Variants in MCF2L observed in about 807,000 individuals in gnomAD.
MCF2L encodes the protein guanine nucleotide exchange factor DBS.
A neutral mutation model predicts 153.4 loss-of-function variants in MCF2L; 97 were observed. The observed-to-expected ratio is 0.63, with a 90% CI of 0.54 to 0.75. MCF2L has a LOEUF of 0.75. Among genes scored for constraint, MCF2L ranks in the 30% least tolerant of loss-of-function variants. MCF2L has a pLI of 0.00. For synonymous variants in MCF2L, 659 were observed against 632.2 expected (o/e 1.04, Z -0.64); for missense variants, 1,347 against 1,495.2 (o/e 0.90, Z 1.64).
intron 2 of MCF2L, among the ~76,000 whole-genome samples, chr13:112,914,853 G>T (rs1253173900): frequency 6.6e-6 from 1 of 151,306 alleles, no homozygotes; most frequent in Non-Finnish European, 1.5e-5. Context: ...TTTTCAAATC[G>T]TCATTGTCTT....
In MCF2L at chr13:112,960,268, G is replaced by C. The variant is rs3011477; in HGVS notation, c.170-54495G>C. On this transcript the variant is annotated intron_variant, in intron 2 of 29. Transcript: ENST00000375608. The surrounding 1 kb of genome is among the most constrained non-coding windows in gnomAD (Gnocchi z 4.2). ...TCCAAGAGACGGCCTCACCCGGTGAGAGAGCGGAGAGACCGAGAGGGGGCC... is the reference window on the plus strand; with the variant it reads ...TCCAAGAGACGGCCTCACCCGGTGACAGAGCGGAGAGACCGAGAGGGGGCC... 0.36 allele frequency among the ~76,000 whole-genome samples: 54,775 copies of C among 152,074 alleles called. 10,047 individuals are homozygous for C. Among genetic ancestry groups the C allele is most frequent in the Middle Eastern group, 0.48 (140 of 294 alleles).
intron 3 of MCF2L, among the ~76,000 whole-genome samples, chr13:113,036,394 G>A (rs1364030446): frequency 6.6e-6 from 1 of 152,230 alleles, no homozygotes; most frequent in Non-Finnish European, 1.5e-5. Flanking sequence ...AGGGATCACA[G>A]ATGTGCTTGG....
At chr13:112,935,665 G>C (rs1213806014) in intron 2 of MCF2L, among the ~76,000 whole-genome samples, 5 of 152,200 alleles carry the variant, frequency 3.3e-5, no homozygotes, top group African/African-American at 1.2e-4. Flanking sequence ...GTGATGTTTG[G>C]TAGGTCGAGT....
chr13:113,044,970 T>A, intron 3 of MCF2L: 1 of 1,535,726 alleles, frequency 6.5e-7, no homozygotes, highest in Non-Finnish European at 8.9e-7. Context: ...TACTGTGGAA[T>A]AGCAAATGAC....
chr13:112,967,290 G>A (rs1457554604), upstream of MCF2L, among the ~76,000 whole-genome samples: 1 of 151,978 alleles, frequency 6.6e-6, no homozygotes, highest in Non-Finnish European at 1.5e-5. Context: ...TAGACAGGAG[G>A]TAGCAATTGT....
At chr13:113,088,727 T>TAA in intron 25 of MCF2L, 99 bp downstream of exon 25, 1 of 1,269,130 alleles carries the variant, frequency 7.9e-7, no homozygotes, top group Non-Finnish European at 1.1e-6. Flanking sequence ...TGGGACCCTG[T>TAA]GGTTATTGGG....
At chr13:113,090,061 T>G in intron 26 of MCF2L, 1 of 1,566,118 alleles carries the variant, frequency 6.4e-7, no homozygotes, top group South Asian at 1.2e-5. Flanking sequence ...TTTCTCTTCC[T>G]TCATAGATGA....
intron 2 of MCF2L, among the ~76,000 whole-genome samples, chr13:112,927,997 A>C (rs185014159): frequency 2.2e-4 from 33 of 152,386 alleles, no homozygotes; most frequent in African/African-American, 7.7e-4. Flanking sequence ...AGAGAAAAAT[A>C]ACAGGAGAAA....
chr13:113,075,855 G>A, intron 11 of MCF2L, 111 bp from the exon 12 acceptor site: 2 of 840,712 alleles, frequency 2.4e-6, no homozygotes, highest in Non-Finnish European at 3.6e-6. Flanking sequence ...AGCACGAGGA[G>A]TCGGTGGCCC....
chr13:113,052,679 T>G (rs1315380695), intron 4 of MCF2L: 2 of 153,820 alleles, frequency 1.3e-5, no homozygotes, highest in Non-Finnish European at 2.9e-5. Context: ...TCAGAAAAAT[T>G]TCAGACCTAC....
intron 2 of MCF2L, among the ~76,000 whole-genome samples, chr13:112,919,452 G>A (rs191628368): frequency 0.013 from 2,020 of 151,986 alleles, 42 homozygotes; most frequent in African/African-American, 0.045. Flanking sequence ...TGATCCGCCC[G>A]CCTCGGCCTC....
In MCF2L at chr13:113,040,021, A is replaced by G. The variant is rs9635123; in HGVS notation, c.279-5250A>G. Among the ~76,000 whole-genome samples the G allele has an allele frequency of 4.5e-3, 688 of 152,364 alleles. 24 individuals are homozygous for G. The East Asian group carries it at 0.093, about 21-fold the overall frequency. On this transcript the variant is annotated intron_variant, in intron 3 of 29. Coordinates refer to ENST00000535094, the MANE Select transcript of MCF2L (RefSeq NM_001112732.3). ...TAAGAGTAGAATTTATTAATAAATC[A>G]TATTTCATCATATATGTATACCATA...
intron 4 of MCF2L, among the ~76,000 whole-genome samples, chr13:113,050,591 T>C (rs1052575223): frequency 1.4e-5 from 2 of 146,896 alleles, no homozygotes; most frequent in Admixed American, 6.8e-5. Flanking sequence ...GCGGCCCCCC[T>C]GTGCCAGCTA....
chr13:112,938,205 AGC>A (rs2081541036), intron 2 of MCF2L, among the ~76,000 whole-genome samples: 1 of 127,058 alleles, frequency 7.9e-6, no homozygotes, highest in African/African-American at 3.0e-5. Flanking sequence ...GGTTCAGGTG[AGC>A]GCTGAGGGGT....
In MCF2L at chr13:113,088,558, G is replaced by T. The variant is rs369998849; in HGVS notation, c.2768-4G>T. On this transcript the variant is annotated splice_polypyrimidine_tract_variant and splice_region_variant and intron_variant, in intron 24 of 29. Transcript: ENST00000535094. Reference sequence around the variant, plus strand: ...CACGTGGTTTGTCTGCTCCCTCCTCGCAGAAGCCAGCCAGCACCGGGCGCT... The same window carrying T: ...CACGTGGTTTGTCTGCTCCCTCCTCTCAGAAGCCAGCCAGCACCGGGCGCT... 2 of 1,610,774 alleles carry T rather than the reference G, an allele frequency of 1.2e-6. No individual in the cohort carries two copies. Among genetic ancestry groups the T allele is most frequent in the Non-Finnish European group, 1.7e-6 (2 of 1,179,678 alleles).
At chr13:112,981,275 C>A (rs1594464739) in intron 1 of MCF2L, among the ~76,000 whole-genome samples, 1 of 152,226 alleles carries the variant, frequency 6.6e-6, no homozygotes, top group Non-Finnish European at 1.5e-5. Flanking sequence ...TGGGGTACCA[C>A]CCTGTTCCTT....
intron 1 of MCF2L, among the ~76,000 whole-genome samples, chr13:113,004,615 G>A (rs1346041823): frequency 6.6e-6 from 1 of 152,224 alleles, no homozygotes; most frequent in Non-Finnish European, 1.5e-5. Context: ...AGGAAGCCTT[G>A]TCTCAGCTTT....
intron 2 of MCF2L, among the ~76,000 whole-genome samples, chr13:112,938,630 T>G (rs1208949126): frequency 6.6e-6 from 1 of 152,196 alleles, no homozygotes; most frequent in African/African-American, 2.4e-5. Context: ...TAAACCAAAA[T>G]GATCAATTTG....
intron 2 of MCF2L, among the ~76,000 whole-genome samples, chr13:113,017,802 C>T (rs367797954): frequency 6.6e-6 from 1 of 152,200 alleles, no homozygotes; most frequent in Non-Finnish European, 1.5e-5. Flanking sequence ...GCCCACAGGT[C>T]GACACCCCAG....
Sources: allele counts gnomAD v4.1 joint callset (sites outside exome capture counted in the v4.1 genomes callset), GRCh38; gene constraint gnomAD v4.1.1; non-coding constraint Gnocchi (gnomAD v3.1); transcripts MANE v1.5; gene names NCBI Gene and HGNC (gene_info 2026-07-23, HGNC 2026-07-21).